Variants in CAMKK1 observed in about 807,000 individuals in gnomAD.
CAMKK1 encodes calcium/calmodulin-dependent protein kinase kinase 1.
CAMKK1 carries 20 observed loss-of-function variants against 63.5 expected under a neutral mutation model. The ratio of observed to expected loss-of-function variants is 0.32; its 90% CI spans 0.22 to 0.46. The LOEUF is 0.46. Among genes scored for constraint, CAMKK1 ranks in the 20% least tolerant of loss-of-function variants. The pLI is 1.00. For synonymous variants in CAMKK1, 253 were observed against 269.0 expected (o/e 0.94, Z 0.58); for missense variants, 588 against 658.1 (o/e 0.89, Z 1.17).
At chr17:3,865,217 C>T (rs979075364) in intron 15 of CAMKK1, 8 of 985,760 alleles carry the variant, frequency 8.1e-6, no homozygotes, top group Non-Finnish European at 8.4e-6. Context: ...GGACGAGGCG[C>T]ACAGGCTTGG....
At chr17:3,867,545 G>A (rs191739139) in intron 14 of CAMKK1, among the ~76,000 whole-genome samples, 5 of 152,332 alleles carry the variant, frequency 3.3e-5, no homozygotes, top group East Asian at 1.9e-4. Context: ...GCAAGGGACA[G>A]CGTGGGAGGT....
Position 3,861,433 on chromosome 17 carries a change from C to T in CAMKK1, c.*778G>A, listed in dbSNP as rs921148108. On this transcript the variant is annotated 3_prime_UTR_variant, in exon 16 of 16. Coordinates refer to ENST00000348335, the MANE Select transcript of CAMKK1 (RefSeq NM_032294.3). ...CAGGGACGATGTGGTGCTTCCGCTT[C>T]AGGCCTCTGCTCAGAGCTTGATTCC... 2.0e-5 allele frequency: 3 copies of T among 152,518 alleles called. No homozygotes were observed. Among genetic ancestry groups the T allele is most frequent in the East Asian group, 3.8e-4 (2 of 5,198 alleles). The allele number at this position is 152,518 out of a possible 1,614,324, so 9.4% of individuals were successfully genotyped here. A position where few individuals can be genotyped will look rare whatever the true frequency, so the allele number is the denominator to read the frequency against.
intron 12 of CAMKK1, among the ~76,000 whole-genome samples, chr17:3,871,580 T>C (rs191145860): frequency 4.0e-5 from 6 of 149,216 alleles, no homozygotes; most frequent in Admixed American, 6.7e-5. Flanking sequence ...ATGGTCTCGA[T>C]CTCCTGACCT....
rs1192392824 is a variant in CAMKK1 at position 3,868,167 on chromosome 17, G to A, written c.1341+1320C>T. 2.2e-3 allele frequency among the ~76,000 whole-genome samples: 12 copies of A among 5,440 alleles called. 3 individuals are homozygous for A. Among genetic ancestry groups the A allele is most frequent in the East Asian group, 9.9e-3 (2 of 202 alleles). 3.6% of individuals were successfully genotyped at this position (5,440 alleles called of 152,430 possible). On this transcript the variant is annotated intron_variant, in intron 14 of 15. Transcript: ENST00000348335. ...AGCAGGCGCCGTCTAACTGATACGT[G>A]GGCTCTGGGGGAGAAGCAGGCGCCG... is the stretch of plus-strand genomic sequence containing the variant.
chr17:3,872,243 T>C (rs2054921012), intron 12 of CAMKK1, among the ~76,000 whole-genome samples: 1 of 152,140 alleles, frequency 6.6e-6, no homozygotes, highest in Non-Finnish European at 1.5e-5. Context: ...TCCCCTTGAG[T>C]CCAGGGGCTG....
At chr17:3,885,889 G>T (rs1224075069) in intron 1 of CAMKK1, among the ~76,000 whole-genome samples, 159 bp from the exon 2 acceptor site, 1 of 152,240 alleles carries the variant, frequency 6.6e-6, no homozygotes, top group Non-Finnish European at 1.5e-5. Context: ...CCTATGACCT[G>T]AATGAATTCA....
intron 11 of CAMKK1, 72 bp from the exon 12 acceptor site, chr17:3,872,699 C>A: frequency 7.5e-7 from 1 of 1,340,036 alleles, no homozygotes; most frequent in East Asian, 2.3e-5. Flanking sequence ...CAACCCCCCT[C>A]CCTTGGTGGG....
chr17:3,867,303 G>A (rs2054569060), intron 14 of CAMKK1, among the ~76,000 whole-genome samples: 1 of 152,222 alleles, frequency 6.6e-6, no homozygotes, highest in Non-Finnish European at 1.5e-5. Context: ...CTCTGGGGCA[G>A]CCCCTTCCAT....
rs552558972 is a variant in CAMKK1, at chr17:3,891,585, C to A, written c.-44+1354G>T. 1.6e-4 allele frequency among the ~76,000 whole-genome samples: 24 copies of A among 152,272 alleles called. No individual in the cohort carries two copies. In the South Asian group the frequency reaches 3.3e-3, roughly 21 times the overall value. On this transcript the variant is annotated intron_variant, in intron 1 of 15. Coordinates refer to ENST00000348335, the MANE Select transcript of CAMKK1 (RefSeq NM_032294.3). Reference sequence around the variant, plus strand: ...GTATGAAGAACAGCAGGGAGGCTGACGTGGCTGGAGTGGAGTCTTCCCCAC... The same window carrying A: ...GTATGAAGAACAGCAGGGAGGCTGAAGTGGCTGGAGTGGAGTCTTCCCCAC...
At chr17:3,865,804 G>C (rs1567609764) in intron 15 of CAMKK1, 104 bp downstream of exon 15, 6 of 1,548,740 alleles carry the variant, frequency 3.9e-6, no homozygotes, top group Non-Finnish European at 5.2e-6. Flanking sequence ...AAGTCCCCAG[G>C]CTCTGGCCTT....
chr17:3,892,850 C>A lies in CAMKK1; in HGVS notation c.-44+89G>T, dbSNP rs2055954058. The A allele has an allele frequency of 6.6e-6, 1 of 151,734 alleles. No individual in the cohort carries two copies. Among genetic ancestry groups the A allele is most frequent in the African/African-American group, 2.4e-5 (1 of 41,414 alleles). The allele number at this position is 151,734 out of a possible 1,614,324, so 9.4% of individuals were successfully genotyped here. On this transcript the variant is annotated intron_variant, in intron 1 of 15. Transcript: ENST00000348335. The surrounding 1 kb of genome is among the most constrained non-coding windows in gnomAD (Gnocchi z 7.5). ...CTCGTAGACGCGGCCTGGCAGACCC[C>A]CCCCGCCTCTCCCTTGCAGGCTCGG...
rs970843108 is a variant in CAMKK1, at chr17:3,884,841, G to A, written c.361-414C>T. 6.6e-6 allele frequency among the ~76,000 whole-genome samples: 1 copy of A among 152,200 alleles called. No individual in the cohort carries two copies. Among genetic ancestry groups the A allele is most frequent in the African/African-American group, 2.4e-5 (1 of 41,458 alleles). On this transcript the variant is annotated intron_variant, in intron 2 of 15. Transcript: ENST00000348335. The surrounding 1 kb of genome is among the most constrained non-coding windows in gnomAD (Gnocchi z 4.5). Reference sequence around the variant, plus strand: ...CACAGAGGCTGAGAGCCTGGGTTCAGGCACAGAAAGCTCAGCCCCTGACAT... The same window carrying A: ...CACAGAGGCTGAGAGCCTGGGTTCAAGCACAGAAAGCTCAGCCCCTGACAT...
chr17:3,883,230 G>T lies in CAMKK1; in HGVS notation c.515-55C>A. ...GTTCCAGGTGGCTGGGCCTCACCGT[G>T]GCCCCCAAACCAGTCTCAAGCAAGA... On this transcript the variant is annotated intron_variant, in intron 5 of 15. Transcript: ENST00000348335. This position sits in a 1 kb window ranked among gnomAD's most constrained non-coding sequence, Gnocchi z 4.7. 1 of 1,601,184 alleles carries T rather than the reference G, an allele frequency of 6.2e-7. No individual in the cohort carries two copies.
intron 15 of CAMKK1, chr17:3,865,204 T>G: frequency 1.0e-6 from 1 of 985,800 alleles, no homozygotes; most frequent in South Asian, 4.7e-5. Flanking sequence ...GTGGATCTGC[T>G]GAGGACGAGG....
chr17:3,886,301 C>T (rs921315896), intron 1 of CAMKK1, among the ~76,000 whole-genome samples: 7 of 152,164 alleles, frequency 4.6e-5, no homozygotes, highest in African/African-American at 1.2e-4. Flanking sequence ...CTGGGGCTCC[C>T]GACTCCAGCC....
intron 9 of CAMKK1, among the ~76,000 whole-genome samples, chr17:3,876,882 C>T (rs1250574418): frequency 3.3e-5 from 5 of 151,776 alleles, no homozygotes; most frequent in African/African-American, 9.7e-5. Context: ...CTCAGCCTCC[C>T]GAGTAGTTGG....
At chr17:3,864,841 G>T (rs1048287906) in intron 15 of CAMKK1, among the ~76,000 whole-genome samples, 1 of 152,156 alleles carries the variant, frequency 6.6e-6, no homozygotes, top group Non-Finnish European at 1.5e-5. Flanking sequence ...TGTCCACTAC[G>T]AGGGGTCCCG....
Position 3,872,839 on chromosome 17 carries a change from G to A in CAMKK1, c.1051-212C>T, listed in dbSNP as rs112320091. On this transcript the variant is annotated intron_variant, in intron 11 of 15. Coordinates refer to ENST00000348335, the MANE Select transcript of CAMKK1 (RefSeq NM_032294.3). ...AACAATGAGGCTGGGTGCATCCACC[G>A]CCGTTACTGCCACCCGCGGCCAGGC... Among the ~76,000 whole-genome samples, 1,417 of 152,274 alleles carry A rather than the reference G, an allele frequency of 9.3e-3. 18 individuals are homozygous for A. Among genetic ancestry groups the A allele is most frequent in the East Asian group, 0.027 (138 of 5,174 alleles).
rs1232555079 is a variant in CAMKK1 at position 3,889,263 on chromosome 17, G to GTAC, written c.-43-3534_-43-3533insGTA. On this transcript the variant is annotated intron_variant, in intron 1 of 15. Coordinates refer to ENST00000348335, the MANE Select transcript of CAMKK1 (RefSeq NM_032294.3). The surrounding 1 kb of genome is among the most constrained non-coding windows in gnomAD (Gnocchi z 5.2). ...AAGCTCAGGCCTTAGTAGATACTCT[G>GTAC]TAGAAACTTAATTCGGTGGATAACT... 6.6e-6 allele frequency among the ~76,000 whole-genome samples: 1 copy of GTAC among 152,132 alleles called. No homozygotes were observed. Among genetic ancestry groups the GTAC allele is most frequent in the African/African-American group, 2.4e-5 (1 of 41,416 alleles).
Sources: gnomAD v4.1 joint callset for allele counts (sites outside exome capture counted in the v4.1 genomes callset) on GRCh38, gnomAD v4.1.1 for gene constraint, Gnocchi (gnomAD v3.1) non-coding constraint, MANE v1.5 for transcripts, NCBI Gene and HGNC (gene_info 2026-07-23, HGNC 2026-07-21) for gene names.